The following TOX4 variants were observed in gnomAD, a reference collection of about 807,000 sequenced individuals.
The protein encoded by TOX4 is TOX high mobility group box family member 4, also known as epidermal Langerhans cell protein LCP1.
A neutral mutation model predicts 61.0 loss-of-function variants in TOX4; 12 were observed. The ratio of observed to expected loss-of-function variants is 0.20; its 90% confidence interval spans 0.13 to 0.32. The LOEUF (loss-of-function observed/expected upper bound fraction) is 0.32, where lower values mean the gene tolerates loss of function less well. Ranked by LOEUF, TOX4 falls within the 10% of genes least tolerant of loss-of-function variation. The pLI, the probability that TOX4 is intolerant of heterozygous loss-of-function variation, is 1.00. For missense variants in TOX4, 499 were observed against 753.3 expected, an observed-to-expected ratio of 0.66 and a Z score of 3.95; for synonymous variants, 268 against 274.8, an observed-to-expected ratio of 0.98 and a Z score of 0.24.
At chr14:21,491,999 C>T (rs1400425076) in intron 5 of TOX4, 8 of 206,994 alleles carry the variant, frequency 3.9e-5, no homozygotes, top group South Asian at 1.5e-4. Flanking sequence ...CGAGAGAGCA[C>T]GACTCTGTCT....
In TOX4 at chr14:21,485,647, G is replaced by A. The variant is rs1453805146; in HGVS notation, c.76-1804G>A. Among the ~76,000 whole-genome samples the A allele has an allele frequency of 5.8e-5, 6 of 102,698 alleles. 1 individual carries two copies. Among genetic ancestry groups the A allele is most frequent in the African/African-American group, 2.2e-4 (6 of 27,112 alleles). 67.4% of individuals were successfully genotyped at this position (102,698 alleles called of 152,430 possible). On this transcript the variant is annotated intron_variant, in intron 2 of 8. Transcript: ENST00000448790. ...TCCCAGCACTTTGGGAGGCTGAGGC[G>A]GGTGGATCACGAGGTCAAGAGATCG... is the stretch of plus-strand genomic sequence containing the variant.
chr14:21,488,957 T>C (rs1891239046), intron 4 of TOX4, 107 bp downstream of exon 4: 2 of 1,479,726 alleles, frequency 1.4e-6, no homozygotes, highest in Non-Finnish European at 1.8e-6. Flanking sequence ...CCATCTCCTC[T>C]GCTGTTTTCT....
Position 21,477,239 on chromosome 14 carries a change from A to G in TOX4, c.-40A>G, listed in dbSNP as rs766321151. 1.2e-6 allele frequency: 2 copies of G among 1,613,580 alleles called. No homozygotes were observed. Among genetic ancestry groups the G allele is most frequent in the African/African-American group, 2.7e-5 (2 of 74,926 alleles). ...TTCCGAGTCCAGTGGGGGCGGTGGG[A>G]GCGATGAGGGTCTGAGACGGTGGGA... is the stretch of plus-strand genomic sequence containing the variant. On this transcript the variant is annotated 5_prime_UTR_variant, in exon 1 of 9. Transcript: ENST00000448790.
chr14:21,487,320 G>T (rs1891205046), intron 2 of TOX4, 131 bp from the exon 3 acceptor site: 1 of 1,274,100 alleles, frequency 7.8e-7, no homozygotes, highest in South Asian at 1.5e-5. Flanking sequence ...CTAAGAAATT[G>T]ATTATAAAAT....
At chr14:21,489,526 A>T in intron 5 of TOX4, 123 bp downstream of exon 5, 1 of 852,650 alleles carries the variant, frequency 1.2e-6, no homozygotes, top group East Asian at 2.6e-5. Flanking sequence ...TGACACTTAA[A>T]TATCATCCCT....
In TOX4 at chr14:21,477,561, C is replaced by T. The variant is rs938374576; in HGVS notation, c.72C>T (p.Ala24=). The change falls in exon 2 of 9, where the codon GCC becomes GCT. Residue 24 remains alanine, a synonymous_variant. Transcript: ENST00000448790. ...CTTCGCACCCCTTCCTGTCAGGGGC[C>T]GAGGTGAGCCAGAGCTGCCGACGCC... is the stretch of plus-strand genomic sequence containing the variant. ...TGPSHPFLSG[A]ETFHTPSLGD... 6.2e-7 allele frequency: 1 copy of T among 1,613,478 alleles called. No homozygotes were observed. Among genetic ancestry groups the T allele is most frequent in the African/African-American group, 1.3e-5 (1 of 74,878 alleles).
chr14:21,495,430 G>T, intron 8 of TOX4, 38 bp downstream of exon 8: 2 of 1,584,184 alleles, frequency 1.3e-6, no homozygotes, highest in Admixed American at 3.5e-5. Context: ...TTCAGCTACT[G>T]GTCAATTCTA....
At position 21,487,533 on chromosome 14, in the gene TOX4, C is replaced by T; in HGVS notation, c.158C>T (p.Ser53Leu). 6.2e-7 allele frequency: 1 copy of T among 1,614,192 alleles called. No individual in the cohort carries two copies. The highest frequency in any genetic ancestry group is 1.1e-5 in the South Asian group (1 of 91,086). Residue 53 changes from serine (S) to leucine (L), a missense_variant, in exon 3 of 9, where the codon TCA (serine) becomes TTA (leucine). This residue lies in a region of TOX4 where 90 missense variants were observed against 109.5 expected (regional missense o/e 0.82). Coordinates refer to ENST00000448790, the MANE Select transcript of TOX4 (RefSeq NM_014828.4). ...SLDSDPSLAV[S>L]DVVGHFDDLA... ...GATTCTGATCCCTCATTGGCTGTCTCAGATGTGGTTGGCCACTTTGATGAC... is the reference window on the plus strand; with the variant it reads ...GATTCTGATCCCTCATTGGCTGTCTTAGATGTGGTTGGCCACTTTGATGAC...
At chr14:21,483,840 C>T (rs1246499697) in intron 2 of TOX4, among the ~76,000 whole-genome samples, 1 of 152,004 alleles carries the variant, frequency 6.6e-6, no homozygotes, top group African/African-American at 2.4e-5. Flanking sequence ...CAGAGTCTTG[C>T]TCTGTCATCC....
At chr14:21,480,880 C>CG (rs1038931791) in intron 2 of TOX4, among the ~76,000 whole-genome samples, 3 of 152,086 alleles carry the variant, frequency 2.0e-5, no homozygotes, top group African/African-American at 7.2e-5. Flanking sequence ...CACCTGAGGT[C>CG]GGGAGTTCAA....
At chr14:21,491,107 G>C (rs1418780942) in intron 5 of TOX4, among the ~76,000 whole-genome samples, 1 of 151,326 alleles carries the variant, frequency 6.6e-6, no homozygotes, top group African/African-American at 2.4e-5. Context: ...TTACAGGTGT[G>C]AGCCACCGCA....
intron 2 of TOX4, among the ~76,000 whole-genome samples, chr14:21,483,054 A>AT (rs749690799): frequency 6.6e-5 from 10 of 152,134 alleles, no homozygotes; most frequent in South Asian, 2.1e-4. Flanking sequence ...AACATGTCTA[A>AT]TTTTTTTATC....
intron 2 of TOX4, among the ~76,000 whole-genome samples, chr14:21,477,940 G>A (rs748972889): frequency 7.9e-5 from 12 of 152,034 alleles, no homozygotes; most frequent in Non-Finnish European, 1.3e-4. Flanking sequence ...GAGCTTATTG[G>A]TTTTCTTTTG....
In TOX4 at chr14:21,488,757, C is replaced by T; in HGVS notation, c.486C>T (p.Ile162=). ...QLGLSLGGGT[I]LPPAQSPEDR... ...GTTTGAGCCTAGGGGGTGGCACCAT[C>T]CTGCCACCTGCCCAGTCACCTGAAG... Residue 162 remains isoleucine (I), a synonymous_variant, in exon 4 of 9, where the codon ATC becomes ATT. Coordinates refer to ENST00000448790, the MANE Select transcript of TOX4 (RefSeq NM_014828.4). 1.2e-6 allele frequency: 2 copies of T among 1,614,210 alleles called. No homozygotes were observed. The highest frequency in any genetic ancestry group is 2.2e-5 in the East Asian group (1 of 44,884).
In TOX4 at chr14:21,485,652, G is replaced by A. The variant is rs1171221903; in HGVS notation, c.76-1799G>A. On this transcript the variant is annotated intron_variant, in intron 2 of 8. Coordinates refer to ENST00000448790, the MANE Select transcript of TOX4 (RefSeq NM_014828.4). ...GCACTTTGGGAGGCTGAGGCGGGTG[G>A]ATCACGAGGTCAAGAGATCGAGGCC... Among the ~76,000 whole-genome samples, 77 of 103,194 alleles carry A rather than the reference G, an allele frequency of 7.5e-4. 19 individuals carry two copies. The highest frequency in any genetic ancestry group is 3.6e-4 in the Non-Finnish European group (17 of 47,498). 67.7% of individuals were successfully genotyped at this position (103,194 alleles called of 152,430 possible).
chr14:21,480,503 A>G (rs953356031), intron 2 of TOX4, among the ~76,000 whole-genome samples: 5 of 152,082 alleles, frequency 3.3e-5, no homozygotes, highest in Non-Finnish European at 7.4e-5. Context: ...CATTCCAAAT[A>G]TATCTTAGAA....
intron 3 of TOX4, 104 bp from the exon 4 acceptor site, chr14:21,488,486 A>G: frequency 9.0e-7 from 1 of 1,105,130 alleles, no homozygotes; most frequent in East Asian, 2.5e-5. Flanking sequence ...ATTTTAAATG[A>G]TACAATTTGG....
At chr14:21,478,961 A>G (rs1490374938) in intron 2 of TOX4, among the ~76,000 whole-genome samples, 2 of 116,526 alleles carry the variant, frequency 1.7e-5, no homozygotes, top group African/African-American at 3.4e-5. Context: ...GCGCCACCAC[A>G]CCCAGCTAAT....
rs772138802 is a variant in TOX4, at chr14:21,477,488, G to C, written c.7-8G>C. 1.9e-6 allele frequency: 3 copies of C among 1,613,352 alleles called. No homozygotes were observed. Among genetic ancestry groups the C allele is most frequent in the Non-Finnish European group, 2.5e-6 (3 of 1,180,032 alleles). ...AACTTATCCCCGCGACTTTCTTTTG[G>C]TTTCCAGTTTCCCGGAGGAAATGAC... is the stretch of plus-strand genomic sequence containing the variant. On this transcript the variant is annotated splice_region_variant and splice_polypyrimidine_tract_variant and intron_variant, in intron 1 of 8. Coordinates refer to ENST00000448790, the MANE Select transcript of TOX4 (RefSeq NM_014828.4).
Sources: gnomAD v4.1 joint callset for allele counts (sites outside exome capture counted in the v4.1 genomes callset) on GRCh38, gnomAD v4.1.1 for gene constraint, gnomAD v4.1.1 regional missense constraint, MANE v1.5 for transcripts, NCBI Gene and HGNC (gene_info 2026-07-23, HGNC 2026-07-21) for gene names.